The following PLPP1 variants were observed in gnomAD, a reference collection of about 807,000 sequenced individuals.
PLPP1 encodes lipid phosphate phosphohydrolase 1a.
Under a neutral mutation model 31.2 loss-of-function variants are expected in PLPP1, and 24 were observed. The ratio of observed to expected loss-of-function variants is 0.77; its 90% CI spans 0.56 to 1.08. The LOEUF is 1.08. PLPP1 is among the 50% of genes least tolerant of loss of function. PLPP1 has a pLI of 0.00. For synonymous variants in PLPP1, 146 were observed against 126.3 expected, an observed-to-expected ratio of 1.16 and a Z score of -1.05; for missense variants, 319 against 342.7, an observed-to-expected ratio of 0.93 and a Z score of 0.55.
At chr5:55,464,418 T>C (rs1752239801) in intron 3 of PLPP1, among the ~76,000 whole-genome samples, 1 of 152,060 alleles carries the variant, frequency 6.6e-6, no homozygotes, top group Non-Finnish European at 1.5e-5. Flanking sequence ...TTATTTTTAG[T>C]AGAGATGGGG....
intron 2 of PLPP1, among the ~76,000 whole-genome samples, chr5:55,472,757 GGAAGAAGAAGAGGAAGAGGAA>G (rs576684220): frequency 0.13 from 854 of 6,432 alleles, 8 homozygotes; most frequent in African/African-American, 0.17. Flanking sequence ...AAGAGGAAGA[GGAAGAAGAAGAGGAAGAGGAA>G]GAAGAAGAAG....
chr5:55,459,473 C>G (rs184505733), intron 3 of PLPP1, among the ~76,000 whole-genome samples: 1 of 152,144 alleles, frequency 6.6e-6, no homozygotes, highest in African/African-American at 2.4e-5. Context: ...AACATTTCAC[C>G]CAGAAAACAC....
chr5:55,502,134 A>T (rs1326118108), intron 1 of PLPP1, among the ~76,000 whole-genome samples: 1 of 152,212 alleles, frequency 6.6e-6, no homozygotes, highest in African/African-American at 2.4e-5. Flanking sequence ...TGGGAGAAAA[A>T]GGAAAGAAAA....
At chr5:55,465,343 C>T (rs1365941831) in intron 3 of PLPP1, among the ~76,000 whole-genome samples, 1 of 152,114 alleles carries the variant, frequency 6.6e-6, no homozygotes, top group South Asian at 2.1e-4. Flanking sequence ...CCACGCCAGC[C>T]GTACTCCTAT....
chr5:55,466,159 C>G (rs555687833), intron 3 of PLPP1, among the ~76,000 whole-genome samples: 70 of 152,270 alleles, frequency 4.6e-4, no homozygotes, highest in African/African-American at 1.7e-3. Context: ...GACTTTACAC[C>G]CATATCAGTC....
chr5:55,484,217 TA>T (rs1474612835), intron 1 of PLPP1, among the ~76,000 whole-genome samples: 2 of 152,146 alleles, frequency 1.3e-5, no homozygotes, highest in Non-Finnish European at 2.9e-5. Context: ...CTTTGATACA[TA>T]AATCTTTGGC....
At chr5:55,530,798 C>G (rs1419276437) in intron 1 of PLPP1, 9 of 1,453,334 alleles carry the variant, frequency 6.2e-6, no homozygotes, top group Non-Finnish European at 8.7e-6. Context: ...TGACAGGGCG[C>G]GGTCCGCACG....
chr5:55,436,168 G>A (rs1303812649), intron 4 of PLPP1, among the ~76,000 whole-genome samples: 1 of 152,132 alleles, frequency 6.6e-6, no homozygotes, highest in Non-Finnish European at 1.5e-5. Flanking sequence ...GCAGAAAGCT[G>A]GCCATTCCAC....
intron 3 of PLPP1, among the ~76,000 whole-genome samples, chr5:55,462,060 A>G (rs1019828924): frequency 1.3e-5 from 2 of 152,222 alleles, no homozygotes; most frequent in Non-Finnish European, 2.9e-5. Context: ...AAGTTAATGG[A>G]GAGATACAAC....
At chr5:55,491,059 G>C (rs148317945) in intron 1 of PLPP1, 42 of 1,613,786 alleles carry the variant, frequency 2.6e-5, no homozygotes, top group Non-Finnish European at 3.1e-5. Context: ...TACAGAAAAA[G>C]CCTCTCTGAA....
At chr5:55,519,436 G>T (rs532255366) in intron 1 of PLPP1, among the ~76,000 whole-genome samples, 1 of 152,160 alleles carries the variant, frequency 6.6e-6, no homozygotes, top group Non-Finnish European at 1.5e-5. Flanking sequence ...TCTCTCAAAA[G>T]TGTGTTTTTT....
At chr5:55,425,818 A>ATG in intron 5 of PLPP1, 45 bp downstream of exon 5, 1 of 1,467,192 alleles carries the variant, frequency 6.8e-7, no homozygotes, top group Non-Finnish European at 9.1e-7. Context: ...ACTTATATAA[A>ATG]TGTTTAGCAA....
At chr5:55,492,638 A>G (rs1752919404) in intron 1 of PLPP1, among the ~76,000 whole-genome samples, 1 of 152,200 alleles carries the variant, frequency 6.6e-6, no homozygotes, top group Non-Finnish European at 1.5e-5. Flanking sequence ...TGCATCAACA[A>G]GAGCACAAAG....
intron 1 of PLPP1, among the ~76,000 whole-genome samples, chr5:55,485,796 T>A (rs549586151): frequency 5.9e-5 from 9 of 152,234 alleles, no homozygotes; most frequent in African/African-American, 1.9e-4. Flanking sequence ...TCTTTCTATG[T>A]CAATATTATC....
intron 1 of PLPP1, among the ~76,000 whole-genome samples, chr5:55,515,346 C>T (rs1273630579): frequency 6.6e-6 from 1 of 152,172 alleles, no homozygotes; most frequent in African/African-American, 2.4e-5. Context: ...CAGCTGATAT[C>T]CCTAACAGGT....
chr5:55,526,674 T>C (rs1292936232), intron 1 of PLPP1, among the ~76,000 whole-genome samples: 2 of 152,190 alleles, frequency 1.3e-5, no homozygotes, highest in East Asian at 3.8e-4. Context: ...GGCTCACGCC[T>C]GTAATCCCAG....
intron 1 of PLPP1, among the ~76,000 whole-genome samples, chr5:55,498,348 A>G (rs1481219656): frequency 6.6e-6 from 1 of 152,116 alleles, no homozygotes; most frequent in African/African-American, 2.4e-5. Context: ...GATCCTAAAG[A>G]TGTTTAGGAA....
At chr5:55,460,753 G>A (rs959593765) in intron 3 of PLPP1, among the ~76,000 whole-genome samples, 1 of 152,194 alleles carries the variant, frequency 6.6e-6, no homozygotes, top group Non-Finnish European at 1.5e-5. Flanking sequence ...GCCTCAGGCA[G>A]AAGGATCACT....
chr5:55,457,155 G>A (rs10805476), intron 3 of PLPP1, among the ~76,000 whole-genome samples: 127,620 of 148,310 alleles, frequency 0.86, 55,257 homozygotes, highest in South Asian at 0.92. Context: ...GTGAGACTCC[G>A]TCTCAGACCA....
Sources: gnomAD v4.1 joint callset for allele counts (sites outside exome capture counted in the v4.1 genomes callset) on GRCh38, gnomAD v4.1.1 for gene constraint, MANE v1.5 for transcripts, NCBI Gene and HGNC (gene_info 2026-07-23, HGNC 2026-07-21) for gene names.